KCNIP4: variants seen among roughly 807,000 people sequenced by gnomAD.
KCNIP4 encodes the protein Kv channel-interacting protein 4.
A neutral mutation model predicts 34.0 loss-of-function variants in KCNIP4; 12 were observed. The observed-to-expected ratio is 0.35, with a 90% CI of 0.23 to 0.57. KCNIP4 has a LOEUF of 0.57. Among genes scored for constraint, KCNIP4 ranks in the 20% least tolerant of loss-of-function variants. The probability of loss-of-function intolerance (pLI) is 0.83; values close to 1 mark genes in which losing one functional copy is unlikely to be tolerated. For synonymous variants in KCNIP4, 124 were observed against 102.2 expected, an observed-to-expected ratio of 1.21 and a Z score of -1.29; for missense variants, 238 against 311.7, an observed-to-expected ratio of 0.76 and a Z score of 1.78.
chr4:21,312,168 T>C (rs1285508271), intron 1 of KCNIP4, among the ~76,000 whole-genome samples: 4 of 152,132 alleles, frequency 2.6e-5, no homozygotes, highest in Non-Finnish European at 5.9e-5. Context: ...CATTACCACA[T>C]TCTTAAAGGA....
In KCNIP4 at chr4:21,694,938, AAATAAAT is replaced by A. The variant is rs1480482922; in HGVS notation, c.61+253626_61+253632del. On this transcript the variant is annotated intron_variant, in intron 1 of 8. Coordinates refer to ENST00000382152, the MANE Select transcript of KCNIP4 (RefSeq NM_025221.6). ...CCAAAAAAAAAAAAAAAATAAAAAT[AAATAAAT>A]AAATAAAGGGCTTTTTGGTAAAAAG... Among the ~76,000 whole-genome samples the A allele has an allele frequency of 4.1e-4, 19 of 45,932 alleles. 1 individual carries two copies. The highest frequency in any genetic ancestry group is 1.1e-3 in the South Asian group (2 of 1,886). The allele number at this position is 45,932 out of a possible 152,430, so 30.1% of individuals were successfully genotyped here. A position where few individuals can be genotyped will look rare whatever the true frequency, so the allele number is the denominator to read the frequency against.
At chr4:21,228,168 A>G (rs1047611501) in intron 1 of KCNIP4, among the ~76,000 whole-genome samples, 1 of 152,078 alleles carries the variant, frequency 6.6e-6, no homozygotes, top group African/African-American at 2.4e-5. Flanking sequence ...TTTAACCCCC[A>G]GTGTTGGAGA....
intron 1 of KCNIP4, among the ~76,000 whole-genome samples, chr4:21,860,429 T>C (rs1056161097): frequency 3.7e-4 from 56 of 152,314 alleles, no homozygotes; most frequent in East Asian, 3.3e-3. Context: ...CCACTGTGCC[T>C]GGCCAGATTT....
At chr4:21,793,859 C>T (rs1484114906) in intron 1 of KCNIP4, among the ~76,000 whole-genome samples, 1 of 152,208 alleles carries the variant, frequency 6.6e-6, no homozygotes, top group Non-Finnish European at 1.5e-5. Flanking sequence ...TCACTATTCA[C>T]AATAGCAAAG....
At chr4:20,830,179 G>T (rs1718247178) in intron 3 of KCNIP4, among the ~76,000 whole-genome samples, 1 of 152,176 alleles carries the variant, frequency 6.6e-6, no homozygotes, top group Admixed American at 6.5e-5. Flanking sequence ...GTAAGTAGCA[G>T]CATCAGGATA....
At chr4:21,544,075 G>A (rs571305585) in intron 1 of KCNIP4, among the ~76,000 whole-genome samples, 25 of 152,190 alleles carry the variant, frequency 1.6e-4, no homozygotes, top group Middle Eastern at 6.8e-3. Flanking sequence ...TCTGAGTACT[G>A]ATCCCATTTC....
chr4:21,233,295 G>T (rs1354789729), intron 1 of KCNIP4, among the ~76,000 whole-genome samples: 1 of 152,102 alleles, frequency 6.6e-6, no homozygotes, highest in African/African-American at 2.4e-5. Context: ...TGGTGAGATT[G>T]TATGTCCAAG....
chr4:20,957,732 C>T (rs745880629), intron 1 of KCNIP4, among the ~76,000 whole-genome samples: 1 of 152,052 alleles, frequency 6.6e-6, no homozygotes. Context: ...ATTTTGGATA[C>T]TATTATAGTT....
intron 1 of KCNIP4, among the ~76,000 whole-genome samples, chr4:21,657,134 T>C (rs1034939227): frequency 6.6e-6 from 1 of 152,212 alleles, no homozygotes. Flanking sequence ...TTAACCACCC[T>C]GAGTAGTCAT....
At chr4:21,552,572 T>A (rs1482220851) in intron 1 of KCNIP4, among the ~76,000 whole-genome samples, 1 of 152,148 alleles carries the variant, frequency 6.6e-6, no homozygotes, top group East Asian at 1.9e-4. Flanking sequence ...ATTTCTTGCC[T>A]GTATCCTGAT....
intron 1 of KCNIP4, among the ~76,000 whole-genome samples, chr4:20,971,459 T>C (rs972617737): frequency 6.6e-6 from 1 of 151,294 alleles, no homozygotes; most frequent in African/African-American, 2.4e-5. Flanking sequence ...AAGACAAATA[T>C]CACAATCAAG....
At chr4:21,007,531 T>A (rs1397563652) in intron 1 of KCNIP4, among the ~76,000 whole-genome samples, 1 of 152,176 alleles carries the variant, frequency 6.6e-6, no homozygotes, top group Non-Finnish European at 1.5e-5. Context: ...CATTAAACCA[T>A]CTTCTCTACT....
intron 1 of KCNIP4, among the ~76,000 whole-genome samples, chr4:21,381,970 C>A (rs532602927): frequency 4.9e-4 from 74 of 152,202 alleles, no homozygotes; most frequent in Non-Finnish European, 9.1e-4. Context: ...TATCAACAGG[C>A]TGCAAAAGAG....
At chr4:21,444,428 T>C (rs1411941361) in intron 1 of KCNIP4, among the ~76,000 whole-genome samples, 3 of 152,200 alleles carry the variant, frequency 2.0e-5, no homozygotes, top group Admixed American at 6.5e-5. Context: ...TTATCCACCA[T>C]GATCAAGTGG....
At chr4:21,441,795 A>T (rs1727507491) in intron 1 of KCNIP4, among the ~76,000 whole-genome samples, 1 of 152,196 alleles carries the variant, frequency 6.6e-6, no homozygotes, top group South Asian at 2.1e-4. Flanking sequence ...AATATACATT[A>T]TTGTAACAAT....
intron 1 of KCNIP4, among the ~76,000 whole-genome samples, chr4:21,724,968 T>G (rs908315329): frequency 6.6e-6 from 1 of 152,132 alleles, no homozygotes; most frequent in African/African-American, 2.4e-5. Context: ...CCTTACTCTT[T>G]CCTTTCTGGA....
At chr4:20,855,282 T>A (rs1223658042) in intron 2 of KCNIP4, among the ~76,000 whole-genome samples, 2 of 152,152 alleles carry the variant, frequency 1.3e-5, no homozygotes, top group African/African-American at 2.4e-5. Flanking sequence ...TGTAAACCAA[T>A]CCACACCTCA....
chr4:20,740,906 A>G (rs1388294430), intron 5 of KCNIP4, among the ~76,000 whole-genome samples: 2 of 152,172 alleles, frequency 1.3e-5, no homozygotes, highest in Non-Finnish European at 2.9e-5. Context: ...ACAAAAAAAA[A>G]GCAGGGGTTG....
chr4:21,589,382 G>A (rs1467638949), intron 1 of KCNIP4, among the ~76,000 whole-genome samples: 1 of 147,980 alleles, frequency 6.8e-6, no homozygotes, highest in African/African-American at 2.5e-5. Flanking sequence ...ACATGTTCAG[G>A]GTCGGAGAAA....
Sources: gnomAD v4.1 joint callset for allele counts (sites outside exome capture counted in the v4.1 genomes callset) on GRCh38, gnomAD v4.1.1 for gene constraint, MANE v1.5 for transcripts, NCBI Gene and HGNC (gene_info 2026-07-23, HGNC 2026-07-21) for gene names.